Variants in PDE8B observed in about 807,000 individuals in gnomAD.
PDE8B encodes the protein high affinity cAMP-specific and IBMX-insensitive 3',5'-cyclic phosphodiesterase 8B.
Under a neutral mutation model 101.3 loss-of-function variants are expected in PDE8B, and 26 were observed. That is an observed-to-expected ratio of 0.26 (90% CI 0.19 to 0.36). The LOEUF (loss-of-function observed/expected upper bound fraction) is 0.36. Ranked by LOEUF, PDE8B falls within the 10% of genes least tolerant of loss-of-function variation. The pLI, the probability that PDE8B is intolerant of heterozygous loss-of-function variation, is 1.00. For synonymous variants in PDE8B, 424 were observed against 429.3 expected (o/e 0.99, Z 0.15); for missense variants, 810 against 1,163.1 (o/e 0.70, Z 4.42).
chr5:77,372,587 A>G (rs968848899), intron 10 of PDE8B, among the ~76,000 whole-genome samples: 1 of 152,214 alleles, frequency 6.6e-6, no homozygotes, highest in Non-Finnish European at 1.5e-5. Flanking sequence ...TCATAAGAAG[A>G]TCTTTTTTCC....
intron 20 of PDE8B, 124 bp downstream of exon 20, chr5:77,422,112 G>A (rs1305293755): frequency 9.4e-7 from 1 of 1,067,100 alleles, no homozygotes; most frequent in Non-Finnish European, 1.4e-6. Flanking sequence ...CTCCCTGGAA[G>A]AAAGCAGCTT....
At chr5:77,208,988 C>T (rs1747746370), upstream of PDE8B, among the ~76,000 whole-genome samples, 1 of 152,124 alleles carries the variant, frequency 6.6e-6, no homozygotes, top group African/African-American at 2.4e-5. Flanking sequence ...CATTCCCTCC[C>T]TTTATTTCCT....
intron 6 of PDE8B, among the ~76,000 whole-genome samples, chr5:77,337,804 G>A (rs1183130314): frequency 6.6e-6 from 1 of 152,186 alleles, no homozygotes; most frequent in African/African-American, 2.4e-5. Context: ...CCAGTTTTAA[G>A]TCTCTTTACA....
chr5:77,344,674 C>A (rs1019791568), intron 6 of PDE8B, among the ~76,000 whole-genome samples, 179 bp from the exon 7 acceptor site: 2 of 152,212 alleles, frequency 1.3e-5, no homozygotes, highest in African/African-American at 2.4e-5. Context: ...TTCATACTAT[C>A]ACATTGGATG....
In PDE8B at chr5:77,403,461, G is replaced by A. The variant is rs181983491; in HGVS notation, c.1211-1259G>A. Among the ~76,000 whole-genome samples the A allele has an allele frequency of 2.3e-3, 347 of 152,096 alleles. 2 individuals carry two copies. Among genetic ancestry groups the A allele is most frequent in the Non-Finnish European group, 4.2e-3 (284 of 68,008 alleles). On this transcript the variant is annotated intron_variant, in intron 11 of 21. Coordinates refer to ENST00000264917, the MANE Select transcript of PDE8B (RefSeq NM_003719.5). ...TTTTCAGAGGTGCCAAAATTCGTCT[G>A]AATTAATCTCGTAATTTAAATCTCT...
the PDE8B span, among the ~76,000 whole-genome samples, chr5:77,110,627 C>A: frequency 6.6e-6 from 1 of 152,124 alleles, no homozygotes; most frequent in African/African-American, 2.4e-5. Flanking sequence ...ATACAAGCTG[C>A]AGCTTTCTAA....
At chr5:77,389,162 G>A (rs62362501) in intron 10 of PDE8B, among the ~76,000 whole-genome samples, 29,064 of 151,956 alleles carry the variant, frequency 0.19, 3,383 homozygotes, top group East Asian at 0.38. Flanking sequence ...CCAAACGGCC[G>A]CCCAGTTTTG....
chr5:77,327,871 C>T (rs1776341123), intron 3 of PDE8B, among the ~76,000 whole-genome samples: 1 of 152,072 alleles, frequency 6.6e-6, no homozygotes, highest in African/African-American at 2.4e-5. Context: ...CGGGAGCCTT[C>T]CCCCCACACA....
At chr5:77,327,429 C>G (rs1776249975) in intron 3 of PDE8B, among the ~76,000 whole-genome samples, 1 of 152,118 alleles carries the variant, frequency 6.6e-6, no homozygotes, top group African/African-American at 2.4e-5. Context: ...GTGCTCCAGC[C>G]CAGTTATGCT....
intron 20 of PDE8B, 140 bp downstream of exon 20, chr5:77,422,128 C>T: frequency 1.1e-6 from 1 of 904,136 alleles, no homozygotes; most frequent in Non-Finnish European, 1.8e-6. Context: ...AGCTTACCCC[C>T]ACCTGGGGTA....
At position 77,220,147 on chromosome 5, in the gene PDE8B, T is replaced by A. The variant is rs1347032234; in HGVS notation, c.339+8883T>A. Among the ~76,000 whole-genome samples, 3 of 152,282 alleles carry A rather than the reference T, an allele frequency of 2.0e-5. No individual in the cohort carries two copies. In the East Asian group the frequency reaches 5.8e-4, roughly 29 times the overall value. ...AGACTCTTGCAGGTCCTCCTGTCCT[T>A]GTGGTTGCTGCCCTGCCCTTCTTCT... On this transcript the variant is annotated intron_variant, in intron 1 of 21. Coordinates refer to ENST00000264917, the MANE Select transcript of PDE8B (RefSeq NM_003719.5).
intron 10 of PDE8B, among the ~76,000 whole-genome samples, chr5:77,384,731 CAT>C (rs34161143): frequency 0.2 from 31,080 of 151,964 alleles, 3,960 homozygotes; most frequent in Non-Finnish European, 0.3. Context: ...TTGAGGTAAT[CAT>C]GTGGTTTTTG....
Position 77,230,946 on chromosome 5 carries a change from A to C in PDE8B, c.339+19682A>C, listed in dbSNP as rs1240256980. On this transcript the variant is annotated intron_variant, in intron 1 of 21. Transcript: ENST00000264917. ...TGAACACATGTTGTTCAGACCTCTC[A>C]ATAAGAACTGAGAGAGTTGCTTGCC... Among the ~76,000 whole-genome samples the C allele has an allele frequency of 7.0e-4, 106 of 152,200 alleles. 2 individuals carry two copies. The highest frequency in any genetic ancestry group is 1.3e-4 in the Non-Finnish European group (9 of 68,042).
chr5:77,145,716 T>C, the PDE8B span: 1 of 152,186 alleles, frequency 6.6e-6, no homozygotes, highest in African/African-American at 2.4e-5. Flanking sequence ...CCACAAAGTA[T>C]TTAAGAAAAG....
intron 5 of PDE8B, among the ~76,000 whole-genome samples, chr5:77,333,551 T>TTTA (rs1188285482): frequency 1.3e-5 from 2 of 152,130 alleles, no homozygotes; most frequent in African/African-American, 2.4e-5. Flanking sequence ...CACTGTGGGT[T>TTTA]TTATCGATCA....
chr5:77,114,689 T>C, the PDE8B span: 1 of 152,218 alleles, frequency 6.6e-6, no homozygotes. Flanking sequence ...CATTTTAAAA[T>C]CTATAATAGA....
In PDE8B at chr5:77,351,086, G is replaced by C; in HGVS notation, c.1039G>C (p.Ala347Pro). ...GTAGGAGTGGCAGGGGGTTTACTAT[G>C]CCAGACGGAAATCCGGGGACAGCAT... ...KGKEWQGVYY[A>P]RRKSGDSIQQ... is the part of the protein sequence containing the mutation. The change falls in exon 9 of 22, where the codon GCC becomes CCC. Residue 347 changes from alanine (A) to proline (P), a missense_variant. Transcript: ENST00000264917. 1 of 1,614,032 alleles carries C rather than the reference G, an allele frequency of 6.2e-7. No homozygotes were observed.
At chr5:77,265,726 A>T (rs1272413529) in intron 1 of PDE8B, among the ~76,000 whole-genome samples, 1 of 152,206 alleles carries the variant, frequency 6.6e-6, no homozygotes, top group Non-Finnish European at 1.5e-5. Flanking sequence ...ATGCTAGGGA[A>T]GCGTAAGAAT....
intron 1 of PDE8B, among the ~76,000 whole-genome samples, chr5:77,260,065 G>A (rs551943746): frequency 6.7e-6 from 1 of 150,284 alleles, no homozygotes; most frequent in Non-Finnish European, 1.5e-5. Flanking sequence ...TTGGGAGGCT[G>A]AGGCAGGAGA....
Sources: allele counts gnomAD v4.1 joint callset (sites outside exome capture counted in the v4.1 genomes callset), GRCh38; gene constraint gnomAD v4.1.1; transcripts MANE v1.5; gene names NCBI Gene and HGNC (gene_info 2026-07-23, HGNC 2026-07-21).